The following XYLT1 variants were observed in gnomAD, a reference collection of about 807,000 sequenced individuals.
XYLT1 encodes the protein beta-D-xylosyltransferase 1.
A neutral mutation model predicts 91.3 loss-of-function variants in XYLT1; 36 were observed. The observed-to-expected ratio is 0.39, with a 90% confidence interval of 0.30 to 0.52. The LOEUF (loss-of-function observed/expected upper bound fraction) is 0.52, where lower values mean the gene tolerates loss of function less well. Among genes scored for constraint, XYLT1 ranks in the 20% least tolerant of loss-of-function variants. The pLI, the probability that XYLT1 is intolerant of heterozygous loss-of-function variation, is 0.68. For missense variants in XYLT1, 1,242 were observed against 1,284.5 expected (o/e 0.97, Z 0.51); for synonymous variants, 588 against 532.0 (o/e 1.11, Z -1.45).
chr16:17,214,331 A>G (rs995991595), intron 3 of XYLT1, among the ~76,000 whole-genome samples: 4 of 152,228 alleles, frequency 2.6e-5, no homozygotes, highest in African/African-American at 9.6e-5. Flanking sequence ...CAAGCTATAT[A>G]ACCTCTCAAA....
chr16:17,308,896 A>G (rs2034504552), intron 2 of XYLT1, among the ~76,000 whole-genome samples: 1 of 152,192 alleles, frequency 6.6e-6, no homozygotes, highest in Admixed American at 6.5e-5. Flanking sequence ...CATTTAGCGC[A>G]GTGTCTGGCG....
chr16:17,341,719 T>C (rs796576481), intron 2 of XYLT1, among the ~76,000 whole-genome samples: 18 of 152,338 alleles, frequency 1.2e-4, no homozygotes, highest in African/African-American at 4.3e-4. Context: ...TAGGAAGTGA[T>C]GTGCTTTTGA....
At chr16:17,260,688 T>C (rs934296529) in intron 2 of XYLT1, among the ~76,000 whole-genome samples, 2 of 152,252 alleles carry the variant, frequency 1.3e-5, no homozygotes, top group Non-Finnish European at 2.9e-5. Flanking sequence ...TAAAGTTTTA[T>C]TGAAACACAG....
chr16:17,298,388 G>A lies in XYLT1; in HGVS notation c.403-38890C>T, dbSNP rs981993965. On this transcript the variant is annotated intron_variant, in intron 2 of 11. Transcript: ENST00000261381. ...TCATCTCATCTTCACAGCACGCCTG[G>A]TGGCGAGTGCCCTCACTGTTCCCAT... Among the ~76,000 whole-genome samples, 4 of 152,290 alleles carry A rather than the reference G, an allele frequency of 2.6e-5. No homozygotes were observed. The East Asian group carries it at 7.7e-4, about 29-fold the overall frequency.
At chr16:17,442,250 C>T (rs952223404) in intron 1 of XYLT1, among the ~76,000 whole-genome samples, 3 of 152,210 alleles carry the variant, frequency 2.0e-5, no homozygotes, top group Non-Finnish European at 4.4e-5. Flanking sequence ...TATAATGAAA[C>T]TGTATGCGTG....
At chr16:17,283,049 T>C (rs117852064) in intron 2 of XYLT1, among the ~76,000 whole-genome samples, 351 of 151,846 alleles carry the variant, frequency 2.3e-3, no homozygotes, top group Admixed American at 5.8e-3. Context: ...ATTGCATGCA[T>C]AGACCCACAT....
intron 2 of XYLT1, among the ~76,000 whole-genome samples, chr16:17,337,319 C>T (rs1032567462): frequency 1.3e-5 from 2 of 152,074 alleles, no homozygotes; most frequent in African/African-American, 4.8e-5. Context: ...TCCCAGGTAG[C>T]TGGAACTATA....
At chr16:17,186,008 A>AAT (rs987171724) in intron 5 of XYLT1, among the ~76,000 whole-genome samples, 2 of 152,102 alleles carry the variant, frequency 1.3e-5, no homozygotes, top group Non-Finnish European at 2.9e-5. Flanking sequence ...AAATATCTCA[A>AAT]ATATATATAT....
chr16:17,240,955 G>C (rs1432212024), intron 3 of XYLT1, among the ~76,000 whole-genome samples: 1 of 152,170 alleles, frequency 6.6e-6, no homozygotes, highest in Non-Finnish European at 1.5e-5. Context: ...CCATGTCCTT[G>C]ACCATCTGGA....
At chr16:17,422,483 A>T (rs949979227) in intron 1 of XYLT1, among the ~76,000 whole-genome samples, 1 of 151,416 alleles carries the variant, frequency 6.6e-6, no homozygotes, top group South Asian at 2.1e-4. Flanking sequence ...ACAGGTATGC[A>T]CCACTGTGCC....
chr16:17,217,581 C>T (rs1450293181), intron 3 of XYLT1, among the ~76,000 whole-genome samples: 1 of 152,214 alleles, frequency 6.6e-6, no homozygotes, highest in Non-Finnish European at 1.5e-5. Flanking sequence ...CACCCTCCTC[C>T]TTCCCTTCTC....
intron 2 of XYLT1, among the ~76,000 whole-genome samples, chr16:17,327,626 C>A (rs1206524015): frequency 9.1e-6 from 1 of 110,110 alleles, no homozygotes; most frequent in African/African-American, 3.4e-5. Flanking sequence ...CCCCCCCCCC[C>A]CCGCCTCGGC....
At chr16:17,306,986 A>C (rs1188148123) in intron 2 of XYLT1, among the ~76,000 whole-genome samples, 1 of 152,044 alleles carries the variant, frequency 6.6e-6, no homozygotes, top group African/African-American at 2.4e-5. Flanking sequence ...GTAGAGGTGC[A>C]CGTACTGGCG....
intron 1 of XYLT1, among the ~76,000 whole-genome samples, chr16:17,465,310 C>T (rs2036879257): frequency 6.6e-6 from 1 of 152,096 alleles, no homozygotes; most frequent in Non-Finnish European, 1.5e-5. Context: ...GCTCTGTGAA[C>T]TTCATGAGCA....
At chr16:17,382,566 T>C (rs1037736561) in intron 1 of XYLT1, among the ~76,000 whole-genome samples, 4 of 151,834 alleles carry the variant, frequency 2.6e-5, no homozygotes, top group African/African-American at 9.7e-5. Context: ...AGCACAAAGG[T>C]TGGCATCTCA....
chr16:17,368,087 C>T (rs144380632), intron 1 of XYLT1, among the ~76,000 whole-genome samples: 4 of 152,146 alleles, frequency 2.6e-5, no homozygotes, highest in Admixed American at 6.5e-5. Context: ...CAGTGCTTCG[C>T]GTCTGGAATG....
At chr16:17,266,441 G>A (rs924860016) in intron 2 of XYLT1, among the ~76,000 whole-genome samples, 3 of 152,136 alleles carry the variant, frequency 2.0e-5, no homozygotes, top group South Asian at 2.1e-4. Flanking sequence ...TAAAGAAGAC[G>A]CTATATTTTC....
At position 17,117,977 on chromosome 16, in the gene XYLT1, G is replaced by A. The variant is rs139693964; in HGVS notation, c.2226C>T (p.Val742=). 9.6e-4 allele frequency: 1,545 copies of A among 1,606,634 alleles called. 5 individuals carry two copies. The highest frequency in any genetic ancestry group is 7.0e-3 in the African/African-American group (525 of 74,880). Residue 742 remains valine, a splice_region_variant and synonymous_variant, in exon 11 of 12, where the codon GTC becomes GTT. Coordinates refer to ENST00000261381, the MANE Select transcript of XYLT1 (RefSeq NM_022166.4). Reference sequence around the variant, plus strand: ...TCTCCTTGGCATCCCAGTCAGTGCCGACCTGAAACAGGGGAGTGAATTCTG... The same window carrying A: ...TCTCCTTGGCATCCCAGTCAGTGCCAACCTGAAACAGGGGAGTGAATTCTG... ...SDFGRLQFSE[V]GTDWDAKERL...
At chr16:17,272,553 C>T (rs1175684739) in intron 2 of XYLT1, among the ~76,000 whole-genome samples, 1 of 152,168 alleles carries the variant, frequency 6.6e-6, no homozygotes, top group Non-Finnish European at 1.5e-5. Context: ...AGACTGTTTT[C>T]ATTTGTTTAA....
Sources: gnomAD v4.1 joint callset for allele counts (sites outside exome capture counted in the v4.1 genomes callset) on GRCh38, gnomAD v4.1.1 for gene constraint, MANE v1.5 for transcripts, NCBI Gene and HGNC (gene_info 2026-07-23, HGNC 2026-07-21) for gene names.